The following FAR2 variants were observed in gnomAD, a reference collection of about 807,000 sequenced individuals.
FAR2 encodes the protein fatty acyl-CoA reductase 2, also known as epididymis secretory protein Li 81.
FAR2 carries 19 observed loss-of-function variants against 56.0 expected under a neutral mutation model. The observed-to-expected ratio is 0.34, with a 90% CI of 0.24 to 0.50. The LOEUF (loss-of-function observed/expected upper bound fraction) is 0.50, where lower values mean the gene tolerates loss of function less well. FAR2 is among the 20% of genes least tolerant of loss of function. The pLI is 0.98. For missense variants in FAR2, 508 were observed against 642.2 expected (o/e 0.79, Z 2.26); for synonymous variants, 219 against 218.8 (o/e 1.00, Z -0.01).
At chr12:29,241,390 A>T (rs1363219485) in intron 1 of FAR2, among the ~76,000 whole-genome samples, 20 of 152,092 alleles carry the variant, frequency 1.3e-4, no homozygotes. Flanking sequence ...GTAAATTTAG[A>T]TTGATCTTCT....
At position 29,177,179 on chromosome 12, in the gene FAR2, T is replaced by C. The variant is rs567256917; in HGVS notation, c.-39+27772T>C. On this transcript the variant is annotated intron_variant, in intron 1 of 11. Transcript: ENST00000536681. The stretch of plus-strand genomic sequence containing the variant: ...GAAATGGAGCCAAATCTTTTAGAGA[T>C]GATATTTGAGTGCCTTCAAACAAAC... 6.6e-4 allele frequency among the ~76,000 whole-genome samples: 100 copies of C among 152,292 alleles called. 1 individual carries two copies. The highest frequency in any genetic ancestry group is 2.4e-3 in the African/African-American group (100 of 41,566).
chr12:29,187,202 CT>C (rs1168659309), intron 1 of FAR2, among the ~76,000 whole-genome samples: 4 of 151,880 alleles, frequency 2.6e-5, no homozygotes, highest in East Asian at 1.9e-4. Context: ...TGTCTTAACC[CT>C]TTTTTTTACA....
At chr12:29,237,541 A>G (rs1947960331) in intron 1 of FAR2, among the ~76,000 whole-genome samples, 1 of 152,210 alleles carries the variant, frequency 6.6e-6, no homozygotes, top group Non-Finnish European at 1.5e-5. Context: ...TGTATTAAGA[A>G]CTGCTGCTGC....
chr12:29,286,221 T>C (rs1948874706), intron 2 of FAR2, among the ~76,000 whole-genome samples: 1 of 152,180 alleles, frequency 6.6e-6, no homozygotes, highest in African/African-American at 2.4e-5. Flanking sequence ...CATCTGACTT[T>C]CATTACACGA....
intron 2 of FAR2, among the ~76,000 whole-genome samples, chr12:29,280,006 C>T (rs1229461771): frequency 2.0e-5 from 3 of 151,278 alleles, no homozygotes; most frequent in Non-Finnish European, 2.9e-5. Flanking sequence ...CTCACTGCAA[C>T]CTCCACCACC....
intron 1 of FAR2, among the ~76,000 whole-genome samples, chr12:29,185,476 A>G (rs1277534104): frequency 6.6e-6 from 1 of 152,262 alleles, no homozygotes; most frequent in Non-Finnish European, 1.5e-5. Context: ...TAAACTTCAT[A>G]CAAACTTAGA....
At chr12:29,177,198 A>G (rs1056405744) in intron 1 of FAR2, among the ~76,000 whole-genome samples, 1 of 152,200 alleles carries the variant, frequency 6.6e-6, no homozygotes. Context: ...AGTGCCTTCA[A>G]ACAAACACCC....
intron 9 of FAR2, among the ~76,000 whole-genome samples, chr12:29,318,868 C>T (rs1020177732): frequency 2.6e-5 from 4 of 152,040 alleles, no homozygotes; most frequent in African/African-American, 7.2e-5. Context: ...AGGGAGACTG[C>T]TGGATTGAAG....
chr12:29,325,875 G>A (rs532541208), intron 10 of FAR2, among the ~76,000 whole-genome samples: 24 of 152,230 alleles, frequency 1.6e-4, no homozygotes, highest in African/African-American at 5.8e-4. Flanking sequence ...TCAAAAGCTA[G>A]CAGAAGGCAA....
At chr12:29,240,058 G>A (rs1037331415) in intron 1 of FAR2, among the ~76,000 whole-genome samples, 1 of 152,134 alleles carries the variant, frequency 6.6e-6, no homozygotes, top group African/African-American at 2.4e-5. Context: ...ATCGTTCCAA[G>A]AGCTTCCAAA....
chr12:29,171,028 T>G (rs1949880647), intron 1 of FAR2, among the ~76,000 whole-genome samples: 2 of 152,260 alleles, frequency 1.3e-5, no homozygotes, highest in Non-Finnish European at 2.9e-5. Flanking sequence ...GCATACTTAC[T>G]ATCTGTAGCG....
chr12:29,216,063 C>T (rs539775278), intron 1 of FAR2, among the ~76,000 whole-genome samples: 1 of 152,300 alleles, frequency 6.6e-6, no homozygotes, highest in South Asian at 2.1e-4. Context: ...ATCCCTTGCC[C>T]TTCTGATTAA....
chr12:29,205,189 G>T (rs1404887870), intron 1 of FAR2, among the ~76,000 whole-genome samples: 2 of 152,112 alleles, frequency 1.3e-5, no homozygotes, highest in East Asian at 3.8e-4. Flanking sequence ...CTGTGACTGG[G>T]TATGTTACTA....
chr12:29,314,694 C>T (rs1949417145), intron 8 of FAR2, among the ~76,000 whole-genome samples: 1 of 152,040 alleles, frequency 6.6e-6, no homozygotes, highest in African/African-American at 2.4e-5. Flanking sequence ...TGATCTCTAG[C>T]AGAATACTCA....
intron 10 of FAR2, among the ~76,000 whole-genome samples, chr12:29,328,340 G>A (rs1368160937): frequency 6.6e-6 from 1 of 152,158 alleles, no homozygotes; most frequent in Non-Finnish European, 1.5e-5. Flanking sequence ...TGTGGAAGTT[G>A]GTGTGGCGAT....
intron 1 of FAR2, among the ~76,000 whole-genome samples, chr12:29,253,292 TATCTAGATAG>T (rs1272325477): frequency 9.8e-5 from 14 of 143,070 alleles, no homozygotes; most frequent in East Asian, 4.0e-4. Context: ...TATCTATATC[TATCTAGATAG>T]ATATCTATAT....
At position 29,334,218 on chromosome 12, in the gene FAR2, A is replaced by C. The variant is rs1403687309; in HGVS notation, c.*424A>C. ...TGGGTACCCAAAAGAAAAATTTAAA[A>C]TCAAGATGAGTAAAAGGAGAATGGT... On this transcript the variant is annotated 3_prime_UTR_variant, in exon 12 of 12. Transcript: ENST00000536681. 1 of 152,874 alleles carries C rather than the reference A, an allele frequency of 6.5e-6. No homozygotes were observed. The highest frequency in any genetic ancestry group is 2.4e-5 in the African/African-American group (1 of 41,454). 9.5% of individuals were successfully genotyped at this position (152,874 alleles called of 1,614,324 possible).
chr12:29,169,264 A>G (rs1217640426), intron 1 of FAR2, among the ~76,000 whole-genome samples: 2 of 152,260 alleles, frequency 1.3e-5, no homozygotes, highest in African/African-American at 2.4e-5. Flanking sequence ...GCAGCCCTGC[A>G]GTTGTAGTGT....
intron 2 of FAR2, among the ~76,000 whole-genome samples, chr12:29,275,070 T>C (rs1948687171): frequency 7.0e-6 from 1 of 143,438 alleles, no homozygotes; most frequent in African/African-American, 2.5e-5. Context: ...CCAAATTTCA[T>C]GCGCGTCCAT....
Sources: allele counts gnomAD v4.1 joint callset (sites outside exome capture counted in the v4.1 genomes callset), GRCh38; gene constraint gnomAD v4.1.1; transcripts MANE v1.5; gene names NCBI Gene and HGNC (gene_info 2026-07-23, HGNC 2026-07-21).